The following PLAA variants were observed in gnomAD, a reference collection of about 807,000 sequenced individuals.
The protein encoded by PLAA is phospholipase A-2-activating protein.
PLAA carries 48 observed loss-of-function variants against 84.1 expected under a neutral mutation model. The observed-to-expected ratio is 0.57, with a 90% CI of 0.45 to 0.73. PLAA has a LOEUF of 0.73. PLAA is among the 30% of genes least tolerant of loss of function. PLAA has a pLI of 0.00. For missense variants in PLAA, 903 were observed against 954.7 expected, an observed-to-expected ratio of 0.95 and a Z score of 0.71; for synonymous variants, 392 against 336.6, an observed-to-expected ratio of 1.16 and a Z score of -1.80.
At chr9:26,909,171 A>AG (rs1824324952) in intron 12 of PLAA, among the ~76,000 whole-genome samples, 1 of 152,210 alleles carries the variant, frequency 6.6e-6, no homozygotes, top group Non-Finnish European at 1.5e-5. Context: ...TCCGATAATA[A>AG]GGAAAATTAT....
At chr9:26,925,253 C>T (rs980941003) in intron 6 of PLAA, among the ~76,000 whole-genome samples, 2 of 152,164 alleles carry the variant, frequency 1.3e-5, no homozygotes, top group African/African-American at 4.8e-5. Context: ...TGCTTCAATC[C>T]TATTTCTTGC....
chr9:26,936,880 C>A (rs1048727080), intron 1 of PLAA, among the ~76,000 whole-genome samples: 1 of 152,132 alleles, frequency 6.6e-6, no homozygotes, highest in Non-Finnish European at 1.5e-5. Flanking sequence ...GTGGCTCATG[C>A]GTGTAATCCT....
At chr9:26,910,017 G>A (rs781743987) in intron 12 of PLAA, among the ~76,000 whole-genome samples, 9 of 152,168 alleles carry the variant, frequency 5.9e-5, no homozygotes, top group Non-Finnish European at 7.4e-5. Flanking sequence ...TTTTTCAAAT[G>A]CTTTACTCAT....
At chr9:26,923,999 T>A (rs1030577557) in intron 6 of PLAA, among the ~76,000 whole-genome samples, 4 of 152,214 alleles carry the variant, frequency 2.6e-5, no homozygotes, top group African/African-American at 4.8e-5. Flanking sequence ...TGTACATCAC[T>A]CGTTCTATTG....
intron 1 of PLAA, among the ~76,000 whole-genome samples, chr9:26,938,683 A>G (rs1825434640): frequency 6.6e-6 from 1 of 152,184 alleles, no homozygotes; most frequent in South Asian, 2.1e-4. Flanking sequence ...AGCAATATGA[A>G]GAAATAAAGA....
chr9:26,931,634 A>G (rs1048464177), intron 2 of PLAA, among the ~76,000 whole-genome samples: 5 of 152,232 alleles, frequency 3.3e-5, no homozygotes, highest in Non-Finnish European at 7.3e-5. Context: ...AGGTGACTGA[A>G]GAACACATTA....
rs1825761754 is a variant in PLAA, at chr9:26,947,162, A to C, written c.-117T>G. The C allele has an allele frequency of 8.2e-7, 1 of 1,222,276 alleles. No homozygotes were observed. The highest frequency in any genetic ancestry group is 1.1e-6 in the Non-Finnish European group (1 of 924,114). 75.7% of individuals were successfully genotyped at this position (1,222,276 alleles called of 1,614,324 possible). A position where few individuals can be genotyped will look rare whatever the true frequency, so the allele number is the denominator to read the frequency against. ...GAGCCTGCAGGTAAGGGGCGGCCGG[A>C]GACCGGAAGAGCCCGAGAGCCGGTA... is the stretch of plus-strand genomic sequence containing the variant. On this transcript the variant is annotated 5_prime_UTR_variant, in exon 1 of 14. Transcript: ENST00000397292.
Position 26,907,950 on chromosome 9 carries a change from G to C in PLAA, c.1706C>G (p.Thr569Ser). ...NGTAPEEKKL[T>S]EDDLILLEKI... The stretch of plus-strand genomic sequence containing the variant: ...CTCAAGAAGTATCAAGTCATCCTCA[G>C]TTAACTTCTTCTCTTCAGGTGCAGT... The change falls in exon 13 of 14, where the codon ACT becomes AGT. Residue 569 changes from threonine to serine, a missense_variant. Thr to Ser is a moderately conservative substitution (Grantham distance 58). Coordinates refer to ENST00000397292, the MANE Select transcript of PLAA (RefSeq NM_001031689.3). 1.2e-6 allele frequency: 2 copies of C among 1,608,944 alleles called. No homozygotes were observed. Among genetic ancestry groups the C allele is most frequent in the Non-Finnish European group, 1.7e-6 (2 of 1,178,682 alleles).
At chr9:26,932,599 A>G (rs545135129) in intron 2 of PLAA, among the ~76,000 whole-genome samples, 1 of 152,336 alleles carries the variant, frequency 6.6e-6, no homozygotes, top group East Asian at 1.9e-4. Flanking sequence ...CCTTTACAGA[A>G]AAAGTTTGCC....
chr9:26,910,687 T>C (rs1824372220), intron 11 of PLAA, among the ~76,000 whole-genome samples: 1 of 152,034 alleles, frequency 6.6e-6, no homozygotes. Context: ...TTTTTACTTC[T>C]TTTTTTTCTT....
chr9:26,930,292 G>C (rs1825138829), intron 2 of PLAA, among the ~76,000 whole-genome samples: 1 of 151,998 alleles, frequency 6.6e-6, no homozygotes, highest in South Asian at 2.1e-4. Flanking sequence ...TTTTAGTAGA[G>C]ATGGGGTTTC....
At chr9:26,922,815 T>C (rs1824813129) in intron 7 of PLAA, among the ~76,000 whole-genome samples, 2 of 152,170 alleles carry the variant, frequency 1.3e-5, no homozygotes, top group South Asian at 2.1e-4. Flanking sequence ...TACAAGCGCA[T>C]GCCATCACAC....
At chr9:26,928,979 C>T (rs1235225489) in intron 2 of PLAA, among the ~76,000 whole-genome samples, 1 of 152,124 alleles carries the variant, frequency 6.6e-6, no homozygotes, top group Non-Finnish European at 1.5e-5. Context: ...AGGCGGATTG[C>T]TTGAGCTCAG....
intron 1 of PLAA, among the ~76,000 whole-genome samples, chr9:26,936,740 G>A (rs1825370391): frequency 6.6e-6 from 1 of 152,086 alleles, no homozygotes; most frequent in Admixed American, 6.6e-5. Flanking sequence ...TTGCTGCTTT[G>A]ATCACAGAGC....
chr9:26,910,317 A>G, intron 12 of PLAA, 21 bp downstream of exon 12: 1 of 1,543,878 alleles, frequency 6.5e-7, no homozygotes, highest in Non-Finnish European at 9.0e-7. Context: ...ATATGTGAAT[A>G]AATTAATTAA....
intron 1 of PLAA, among the ~76,000 whole-genome samples, chr9:26,937,545 G>C (rs529918348): frequency 1.3e-5 from 2 of 152,222 alleles, no homozygotes; most frequent in Admixed American, 6.5e-5. Context: ...GAAAAATTAA[G>C]TCAATAGACA....
At position 26,910,445 on chromosome 9, in the gene PLAA, T is replaced by C. The variant is rs769974477; in HGVS notation, c.1556-6A>G. 3 of 1,591,958 alleles carry C rather than the reference T, an allele frequency of 1.9e-6. No individual in the cohort carries two copies. The Admixed American group carries it at 5.0e-5, about 27-fold the overall frequency. On this transcript the variant is annotated splice_polypyrimidine_tract_variant and splice_region_variant and intron_variant, in intron 11 of 13. Coordinates refer to ENST00000397292, the MANE Select transcript of PLAA (RefSeq NM_001031689.3). ...TGATCGGTAGGCACTATTCCCTATT[T>C]AAAGAATAGAAGATGATGATAATCA...
intron 2 of PLAA, 63 bp from the exon 3 acceptor site, chr9:26,928,471 T>G: frequency 8.9e-7 from 1 of 1,118,804 alleles, no homozygotes; most frequent in South Asian, 1.3e-5. Flanking sequence ...CATTGAAAGT[T>G]ACTAAAGCAT....
Position 26,904,476 on chromosome 9 carries a change from T to C in PLAA, c.*1035A>G, listed in dbSNP as rs145609483. ...TCTCTCTAGAAAGTATAGCATAGCA[T>C]GTACTTTAAGTAGTTAACTCCCTCT... On this transcript the variant is annotated 3_prime_UTR_variant, in exon 14 of 14. Coordinates refer to ENST00000397292, the MANE Select transcript of PLAA (RefSeq NM_001031689.3). The C allele has an allele frequency of 6.6e-6, 1 of 152,292 alleles. No individual in the cohort carries two copies. Among genetic ancestry groups the C allele is most frequent in the Non-Finnish European group, 1.5e-5 (1 of 67,974 alleles). The allele number at this position is 152,292 out of a possible 1,614,324, so 9.4% of individuals were successfully genotyped here. A position where few individuals can be genotyped will look rare whatever the true frequency, so the allele number is the denominator to read the frequency against.
Sources: gnomAD v4.1 joint callset for allele counts (sites outside exome capture counted in the v4.1 genomes callset) on GRCh38, gnomAD v4.1.1 for gene constraint, MANE v1.5 for transcripts, NCBI Gene and HGNC (gene_info 2026-07-23, HGNC 2026-07-21) for gene names.